The following NAA10 variants were observed in gnomAD, a reference collection of about 807,000 sequenced individuals.
The protein encoded by NAA10 is N-alpha-acetyltransferase 10.
Under a neutral mutation model 19.2 loss-of-function variants are expected in NAA10, and 6 were observed. The ratio of observed to expected loss-of-function variants is 0.31; its 90% confidence interval spans 0.17 to 0.62. The LOEUF is 0.62. NAA10 is among the 20% of genes least tolerant of loss of function. The probability of loss-of-function intolerance (pLI) is 0.83; values close to 1 mark genes in which losing one functional copy is unlikely to be tolerated. For synonymous variants in NAA10, 97 were observed against 79.9 expected, an observed-to-expected ratio of 1.21 and a Z score of -1.14; for missense variants, 101 against 198.4, an observed-to-expected ratio of 0.51 and a Z score of 2.95.
chrX:153,931,348 G>C, intron 6 of NAA10: 1 of 845,985 alleles, frequency 1.2e-6, no homozygotes, highest in Non-Finnish European at 1.4e-6. Context: ...GAGGATTGCT[G>C]ACTTAGCTAT....
At chrX:153,933,372 TTAA>T (rs1207257633) in intron 3 of NAA10, among the ~76,000 whole-genome samples, 2 of 112,365 alleles carry the variant, frequency 1.8e-5, no homozygotes, top group Admixed American at 9.4e-5. Flanking sequence ...ATGGGTTTAG[TTAA>T]TAATAATATA....
intron 6 of NAA10, chrX:153,931,836 C>T: frequency 9.1e-7 from 1 of 1,098,625 alleles, no homozygotes; most frequent in South Asian, 2.3e-5. Context: ...GCCAGAGCTC[C>T]TCCATCACAA....
intron 1 of NAA10, 133 bp downstream of exon 1, chrX:153,934,751 C>A: frequency 1.3e-6 from 1 of 775,925 alleles, no homozygotes; most frequent in Non-Finnish European, 1.8e-6. Flanking sequence ...TGGGCCAGCC[C>A]CATAGGTCCA....
In NAA10 at chrX:153,935,011, T is replaced by C; in HGVS notation, c.-107A>G. The C allele has an allele frequency of 1.3e-6, 1 of 777,421 alleles. No homozygotes were observed. Among genetic ancestry groups the C allele is most frequent in the South Asian group, 6.4e-5 (1 of 15,524 alleles). The allele number at this position is 777,421 out of a possible 1,213,427, so 64.1% of individuals were successfully genotyped here. On this transcript the variant is annotated 5_prime_UTR_variant, in exon 1 of 8. Coordinates refer to ENST00000464845, the MANE Select transcript of NAA10 (RefSeq NM_003491.4). ...GCCGGGGCTGGGACCGGAGCTGGGCTCGCTGGGCGACGGCGGAAGGGGCGG... is the reference window on the plus strand; with the variant it reads ...GCCGGGGCTGGGACCGGAGCTGGGCCCGCTGGGCGACGGCGGAAGGGGCGG...
intron 6 of NAA10, 171 bp from the exon 7 acceptor site, chrX:153,931,018 T>C (rs1470132195): frequency 1.7e-5 from 20 of 1,168,461 alleles, no homozygotes; most frequent in Non-Finnish European, 2.2e-5. Context: ...CAGCAAAGGC[T>C]CCAGGACACA....
intron 6 of NAA10, chrX:153,931,269 G>A: frequency 9.0e-6 from 8 of 892,619 alleles, no homozygotes; most frequent in Non-Finnish European, 1.1e-5. Flanking sequence ...GTGCAGACTC[G>A]CGTGGCCATG....
intron 5 of NAA10, 21 bp from the exon 6 acceptor site, chrX:153,932,136 G>A (rs2065169797): frequency 8.3e-7 from 1 of 1,210,016 alleles, no homozygotes; most frequent in African/African-American, 1.7e-5. Context: ...ACAAGGCACT[G>A]CTGAGCTGCA....
chrX:153,931,551 G>A (rs1224537858), intron 6 of NAA10: 3 of 811,651 alleles, frequency 3.7e-6, no homozygotes, highest in African/African-American at 4.4e-5. Context: ...TGTCTACTGG[G>A]CATGCCAACT....
intron 3 of NAA10, 92 bp from the exon 4 acceptor site, chrX:153,932,676 ACAGCCCCCTAAGACCC>A: frequency 1.2e-6 from 1 of 855,629 alleles, no homozygotes; most frequent in East Asian, 3.4e-5. Context: ...GACATGCACT[ACAGCCCCCTAAGACCC>A]CAGCTGGGGG....
chrX:153,934,514 G>A (rs1366933400), intron 1 of NAA10, 39 bp from the exon 2 acceptor site: 3 of 1,075,941 alleles, frequency 2.8e-6, no homozygotes, highest in African/African-American at 3.7e-5. Flanking sequence ...CTCAGTCTAA[G>A]GCGGCGGTGA....
rs1053377988 is a variant in NAA10 at position 153,932,321 on chromosome X, C to T, written c.336G>A (p.Arg112=). 2 of 1,205,700 alleles carry T rather than the reference C, an allele frequency of 1.7e-6. No homozygotes were observed. ...FNAKYVSLHV[R]KSNRAALHLY... The stretch of plus-strand genomic sequence containing the variant: ...TCCCTCAGCCCGGCTTCCACCTCTT[C>T]CTGACATGCAGGGAGACATATTTGG... Residue 112 remains arginine, a synonymous_variant, in exon 5 of 8, where the codon AGG becomes AGA. Coordinates refer to ENST00000464845, the MANE Select transcript of NAA10 (RefSeq NM_003491.4).
chrX:153,930,920 G>A (rs2065163151), intron 6 of NAA10, 73 bp from the exon 7 acceptor site: 4 of 1,209,987 alleles, frequency 3.3e-6, no homozygotes, highest in South Asian at 3.5e-5. Context: ...TCCTGGTATC[G>A]TGGCTACTGG....
At chrX:153,932,852 G>A in intron 3 of NAA10, 1 of 386,594 alleles carries the variant, frequency 2.6e-6, no homozygotes, top group Non-Finnish European at 4.5e-6. Flanking sequence ...AGGAGTTCGA[G>A]ACCAGCCTGG....
chrX:153,932,296 T>C lies in NAA10; in HGVS notation c.341+20A>G, dbSNP rs1557107516. 1 of 1,180,374 alleles carries C rather than the reference T, an allele frequency of 8.5e-7. No individual in the cohort carries two copies. Among genetic ancestry groups the C allele is most frequent in the Non-Finnish European group, 1.1e-6 (1 of 870,914 alleles). ...AGTATCTCTCCCCCTCAATCCCCCT[T>C]CCCTCAGCCCGGCTTCCACCTCTTC... is the stretch of plus-strand genomic sequence containing the variant. On this transcript the variant is annotated intron_variant, in intron 5 of 7. Transcript: ENST00000464845.
chrX:153,931,097 G>T, intron 6 of NAA10: 1 of 1,080,590 alleles, frequency 9.3e-7, no homozygotes, highest in Non-Finnish European at 1.2e-6. Flanking sequence ...CCATTTCTGC[G>T]GTTTCTTGTG....
At chrX:153,932,657 T>C in intron 3 of NAA10, 73 bp from the exon 4 acceptor site, 1 of 990,377 alleles carries the variant, frequency 1.0e-6, no homozygotes, top group Non-Finnish European at 1.4e-6. Flanking sequence ...CCCTGCCATT[T>C]GTAGAGTGGA....
Position 153,929,985 on chromosome X carries a change from C to T in NAA10, c.*2G>A, listed in dbSNP as rs1293731140. 9.2e-6 allele frequency: 11 copies of T among 1,201,423 alleles called. No homozygotes were observed. The highest frequency in any genetic ancestry group is 1.2e-5 in the Non-Finnish European group (11 of 888,247). The stretch of plus-strand genomic sequence containing the variant: ...TGGGGTGAGGAGGGGATGGGGCAGG[C>T]TCTAGGAGGCTGAGTCGGAGGCCTC... On this transcript the variant is annotated 3_prime_UTR_variant, in exon 8 of 8. Transcript: ENST00000464845.
intron 7 of NAA10, chrX:153,930,474 T>C (rs2065160444): frequency 1.1e-5 from 5 of 453,271 alleles, no homozygotes; most frequent in Non-Finnish European, 1.1e-5. Flanking sequence ...CCGATGAGCC[T>C]TGGGCAGAAC....
chrX:153,931,493 C>T, intron 6 of NAA10: 1 of 803,271 alleles, frequency 1.2e-6, no homozygotes, highest in Non-Finnish European at 1.5e-6. Context: ...GTTAGTGTCC[C>T]TCCACAGGCA....
Sources: allele counts gnomAD v4.1 joint callset (sites outside exome capture counted in the v4.1 genomes callset), GRCh38; gene constraint gnomAD v4.1.1; transcripts MANE v1.5; gene names NCBI Gene and HGNC (gene_info 2026-07-23, HGNC 2026-07-21).